Variants in SLC1A3 observed in about 807,000 individuals in gnomAD.
SLC1A3 encodes solute carrier family 1 member 3, also known as excitatory amino acid transporter 1.
Under a neutral mutation model 48.1 loss-of-function variants are expected in SLC1A3, and 21 were observed. The ratio of observed to expected loss-of-function variants is 0.44; its 90% CI spans 0.31 to 0.63. The LOEUF is 0.63. SLC1A3 is among the 20% of genes least tolerant of loss of function. The probability of loss-of-function intolerance (pLI) is 0.08; values close to 1 mark genes in which losing one functional copy is unlikely to be tolerated. For synonymous variants in SLC1A3, 239 were observed against 251.4 expected (o/e 0.95, Z 0.47); for missense variants, 546 against 689.0 (o/e 0.79, Z 2.32).
At chr5:36,600,639 C>T (rs970050543) in intron 1 of SLC1A3, among the ~76,000 whole-genome samples, 5 of 152,176 alleles carry the variant, frequency 3.3e-5, no homozygotes, top group Admixed American at 6.5e-5. Context: ...TCTTCTATGA[C>T]TCAAAAATGA....
At chr5:36,668,210 G>T (rs908833529) in intron 3 of SLC1A3, 1 of 152,222 alleles carries the variant, frequency 6.6e-6, no homozygotes, top group Non-Finnish European at 1.5e-5. Context: ...TTTAGTCTCT[G>T]GTGTAAAAAG....
chr5:36,638,418 C>G (rs1404482880), intron 3 of SLC1A3, among the ~76,000 whole-genome samples: 1 of 152,184 alleles, frequency 6.6e-6, no homozygotes, highest in Non-Finnish European at 1.5e-5. Context: ...ATGCTTCCCT[C>G]TTCCCTAGCT....
At chr5:36,609,115 C>G in intron 2 of SLC1A3, 1 of 985,358 alleles carries the variant, frequency 1.0e-6, no homozygotes, top group Non-Finnish European at 1.2e-6. Context: ...TCTCACCCAG[C>G]AACTGGGAAA....
chr5:36,608,990 T>G, intron 2 of SLC1A3: 2 of 1,003,430 alleles, frequency 2.0e-6, no homozygotes, highest in Non-Finnish European at 2.4e-6. Flanking sequence ...ATACAATTAG[T>G]ACACCTAAAA....
rs3776570 is a variant in SLC1A3 at position 36,640,290 on chromosome 5, G to A, written c.319+10703G>A. Among the ~76,000 whole-genome samples the A allele has an allele frequency of 3.5e-3, 532 of 152,300 alleles. 7 individuals are homozygous for A. The highest frequency in any genetic ancestry group is 0.028 in the Admixed American group (424 of 15,296). Reference sequence around the variant, plus strand: ...AGTGTCTGCAAATTCATTTTACCAGGCAAGATAGACTTCTTTTTGCTTCTT... The same window carrying A: ...AGTGTCTGCAAATTCATTTTACCAGACAAGATAGACTTCTTTTTGCTTCTT... On this transcript the variant is annotated intron_variant, in intron 3 of 9. Coordinates refer to ENST00000265113, the MANE Select transcript of SLC1A3 (RefSeq NM_004172.5).
chr5:36,636,865 G>A (rs982423448), intron 3 of SLC1A3, among the ~76,000 whole-genome samples: 2 of 152,072 alleles, frequency 1.3e-5, no homozygotes, highest in Non-Finnish European at 2.9e-5. Flanking sequence ...ACCAGAGCAG[G>A]AATCCCCTCT....
At chr5:36,599,946 C>T (rs560130782) in intron 1 of SLC1A3, among the ~76,000 whole-genome samples, 35 of 152,144 alleles carry the variant, frequency 2.3e-4, no homozygotes, top group African/African-American at 7.2e-4. Flanking sequence ...TTCAGCCTCC[C>T]GAGTAGCTAG....
intron 3 of SLC1A3, among the ~76,000 whole-genome samples, chr5:36,637,325 T>G (rs1335859009): frequency 6.6e-6 from 1 of 152,170 alleles, no homozygotes; most frequent in Non-Finnish European, 1.5e-5. Flanking sequence ...TGTGGAAAGA[T>G]TTTTGTGGCA....
At chr5:36,671,395 A>G (rs1284989547) in intron 4 of SLC1A3, among the ~76,000 whole-genome samples, 162 bp downstream of exon 4, 1 of 152,204 alleles carries the variant, frequency 6.6e-6, no homozygotes, top group Non-Finnish European at 1.5e-5. Context: ...AATTGAAGAA[A>G]GGATCCATTT....
At chr5:36,651,891 A>C (rs1003048496) in intron 3 of SLC1A3, among the ~76,000 whole-genome samples, 4 of 152,068 alleles carry the variant, frequency 2.6e-5, no homozygotes, top group African/African-American at 9.7e-5. Flanking sequence ...ATTTTTCAGA[A>C]AGGGTTATTA....
intron 2 of SLC1A3, chr5:36,613,525 G>C (rs1739293829): frequency 2.0e-5 from 3 of 152,306 alleles, no homozygotes; most frequent in Admixed American, 2.0e-4. Context: ...TGAGTTCGTG[G>C]AGCAGGCACA....
chr5:36,643,926 G>A (rs551167839), intron 3 of SLC1A3, among the ~76,000 whole-genome samples: 2 of 152,096 alleles, frequency 1.3e-5, no homozygotes, highest in Admixed American at 1.3e-4. Flanking sequence ...CCTGGGAGGT[G>A]GAGGTTGCAG....
chr5:36,671,698 T>C (rs900592127), intron 4 of SLC1A3, among the ~76,000 whole-genome samples: 9 of 152,220 alleles, frequency 5.9e-5, no homozygotes, highest in Non-Finnish European at 1.3e-4. Flanking sequence ...AGAGATCATC[T>C]TGTCAAACCT....
chr5:36,608,182 T>C, intron 1 of SLC1A3, 147 bp from the exon 2 acceptor site: 1 of 516,770 alleles, frequency 1.9e-6, no homozygotes, highest in Non-Finnish European at 3.5e-6. Flanking sequence ...ATATGCACAC[T>C]GCAACCTTGA....
At chr5:36,623,682 C>G (rs866184940) in intron 2 of SLC1A3, among the ~76,000 whole-genome samples, 1 of 147,170 alleles carries the variant, frequency 6.8e-6, no homozygotes, top group African/African-American at 2.6e-5. Flanking sequence ...TGTGAAATAC[C>G]GTCTCTACTA....
chr5:36,636,865 G>C (rs982423448), intron 3 of SLC1A3, among the ~76,000 whole-genome samples: 1 of 152,072 alleles, frequency 6.6e-6, no homozygotes, highest in Admixed American at 6.6e-5. Flanking sequence ...ACCAGAGCAG[G>C]AATCCCCTCT....
chr5:36,642,405 T>TA, intron 3 of SLC1A3, among the ~76,000 whole-genome samples: 1 of 152,202 alleles, frequency 6.6e-6, no homozygotes, highest in East Asian at 1.9e-4. Context: ...CACCCACCAC[T>TA]AACCTCCATT....
At chr5:36,609,063 A>G in intron 2 of SLC1A3, 1 of 990,274 alleles carries the variant, frequency 1.0e-6, no homozygotes, top group Non-Finnish European at 1.2e-6. Context: ...CTGAGTATCA[A>G]CGCTTAGGCA....
chr5:36,614,352 G>T (rs980886808), intron 2 of SLC1A3, among the ~76,000 whole-genome samples: 1 of 152,118 alleles, frequency 6.6e-6, no homozygotes, highest in African/African-American at 2.4e-5. Context: ...GAGGCTGGGG[G>T]GCAGAAGATA....
Sources: allele counts gnomAD v4.1 joint callset (sites outside exome capture counted in the v4.1 genomes callset), GRCh38; gene constraint gnomAD v4.1.1; transcripts MANE v1.5; gene names NCBI Gene and HGNC (gene_info 2026-07-23, HGNC 2026-07-21).